The following FLG variants were observed in gnomAD, a reference collection of about 807,000 sequenced individuals.
The protein encoded by FLG is epidermal filaggrin.
FLG carries 6 observed loss-of-function variants against 3.8 expected under a neutral mutation model. The observed-to-expected ratio is 1.60, with a 90% CI of 0.87 to 3.15. FLG has a LOEUF of 3.15. Ranked by LOEUF, FLG falls within the 30% of genes most tolerant of loss-of-function variation. The pLI, the probability that FLG is intolerant of heterozygous loss-of-function variation, is 0.00. For missense variants in FLG, 7,595 were observed against 5,050.9 expected (o/e 1.50, Z -15.27); for synonymous variants, 2,551 against 1,931.6 (o/e 1.32, Z -8.41).
chr1:152,311,644 G>A lies in FLG; in HGVS notation c.3242C>T (p.Ser1081Leu), dbSNP rs780321306. The A allele has an allele frequency of 1.2e-6, 2 of 1,614,010 alleles. No individual in the cohort carries two copies. Among genetic ancestry groups the A allele is most frequent in the Middle Eastern group, 1.6e-4 (1 of 6,084 alleles). ...ATGGCCTGACACTGACTGTGTGTCTGACTCCTCTGAATGTCCCTCACTATC... is the reference window on the plus strand; with the variant it reads ...ATGGCCTGACACTGACTGTGTGTCTAACTCCTCTGAATGTCCCTCACTATC... Reference protein sequence around the residue: ...ASDSEGHSEESDTQSVSGHGQ... With the variant: ...ASDSEGHSEELDTQSVSGHGQ... Residue 1081 changes from serine (S) to leucine (L), a missense_variant, in exon 3 of 3, where the codon TCA becomes TTA. Transcript: ENST00000368799.
chr1:152,314,734 G>A lies in FLG; in HGVS notation c.152C>T (p.Pro51Leu). The change falls in exon 3 of 3, where the codon CCA (proline) becomes CTA (leucine). Residue 51 changes from proline (P) to leucine (L), a missense_variant. Pro to Leu is a moderately conservative substitution (Grantham distance 98, BLOSUM62 -3). Transcript: ENST00000368799. The stretch of plus-strand genomic sequence containing the variant: ...ATCCATGAAGACATCAACCATATCT[G>A]GGTCATCTGGATTCTGTACAGAGGG... ...FRQILKNPDD[P>L]DMVDVFMDHL... 1 of 1,613,704 alleles carries A rather than the reference G, an allele frequency of 6.2e-7. No homozygotes were observed.
rs1461104258 is a variant in FLG, at chr1:152,308,219, A to T, written c.6667T>A (p.Ser2223Thr). The T allele has an allele frequency of 1.9e-6, 3 of 1,613,930 alleles. No homozygotes were observed. In the East Asian group the frequency reaches 6.7e-5, roughly 36 times the overall value. The change falls in exon 3 of 3, where the codon TCA (serine) becomes ACA (threonine). Residue 2223 changes from serine to threonine, a missense_variant. Ser to Thr is a moderately conservative substitution (Grantham distance 58, BLOSUM62 1). Transcript: ENST00000368799. ...GATGATTGTCCCTGGCCCACCAGTGAGTGTCTAGAGCTGTCGGCCCAAGAG... is the reference window on the plus strand; with the variant it reads ...GATGATTGTCCCTGGCCCACCAGTGTGTGTCTAGAGCTGTCGGCCCAAGAG... ...ASSWADSSRH[S>T]LVGQGQSSGP...
rs773883437 is a variant in FLG at position 152,306,342 on chromosome 1, T to C, written c.8544A>G (p.Gly2848=). 3 of 1,601,922 alleles carry C rather than the reference T, an allele frequency of 1.9e-6. No homozygotes were observed. Among genetic ancestry groups the C allele is most frequent in the Non-Finnish European group, 2.5e-6 (3 of 1,179,806 alleles). ...GCGACCCTGAGTGCCTGGAGCCGTC[T>C]CCTGATTGTTCCTCATTACGTGTTG... ...SRTTRNEEQS[G]DGSRHSGSRH... Residue 2848 remains glycine, a synonymous_variant, in exon 3 of 3, where the codon GGA becomes GGG. Transcript: ENST00000368799.
chr1:152,304,511 G>A lies in FLG; in HGVS notation c.10375C>T (p.His3459Tyr). 2 of 1,612,838 alleles carry A rather than the reference G, an allele frequency of 1.2e-6. No homozygotes were observed. Among genetic ancestry groups the A allele is most frequent in the South Asian group, 1.1e-5 (1 of 90,880 alleles). ...GTGTGGCTGTGATGGGACCCTGAGT[G>A]TCCAGACCTATCTACCGATTGCTCG... The part of the protein sequence containing the change: ...HYEQSVDRSG[H>Y]SGSHHSHTTS... The change falls in exon 3 of 3, where the codon CAC becomes TAC. Residue 3459 changes from histidine to tyrosine, a missense_variant. Physicochemically the swap from His to Tyr is moderately conservative, Grantham distance 83. Coordinates refer to ENST00000368799, the MANE Select transcript of FLG (RefSeq NM_002016.2).
Position 152,304,526 on chromosome 1 carries a change from C to A in FLG, c.10360G>T (p.Val3454Leu), listed in dbSNP as rs1311386701. 2 of 1,612,452 alleles carry A rather than the reference C, an allele frequency of 1.2e-6. No individual in the cohort carries two copies. Among genetic ancestry groups the A allele is most frequent in the Non-Finnish European group, 1.7e-6 (2 of 1,179,404 alleles). The part of the protein sequence containing the change: ...GRQGSHYEQS[V>L]DRSGHSGSHH... ...GACCCTGAGTGTCCAGACCTATCTA[C>A]CGATTGCTCGTAGTGGGATCCCTGC... Residue 3454 changes from valine to leucine, a missense_variant, in exon 3 of 3, where the codon GTA (valine) becomes TTA (leucine). Physicochemically the swap from Val to Leu is conservative, Grantham distance 32. Transcript: ENST00000368799.
chr1:152,302,898 G>A lies in FLG; in HGVS notation c.11988C>T (p.His3996=), dbSNP rs747455945. The change falls in exon 3 of 3, where the codon CAC becomes CAT. Residue 3996 remains histidine (H), a synonymous_variant. Transcript: ENST00000368799. The part of the protein sequence containing the change: ...YGESGFRHSQ[H]GSVSYNSNPV... ...GATTGGAATTGTAACTAACACTTCC[G>A]TGCTGAGAGTGTCTAAACCCGGATT... 1.4e-5 allele frequency: 23 copies of A among 1,613,974 alleles called. No individual in the cohort carries two copies. In the Admixed American group the frequency reaches 3.0e-4, roughly 21 times the overall value.
chr1:152,309,179 C>T lies in FLG; in HGVS notation c.5707G>A (p.Gly1903Arg). The T allele has an allele frequency of 1.9e-6, 3 of 1,613,716 alleles. No individual in the cohort carries two copies. Among genetic ancestry groups the T allele is most frequent in the Non-Finnish European group, 2.5e-6 (3 of 1,179,910 alleles). ...DSSRHSQVGQ[G>R]QSSGPRTSRN... ...CTTGTCCTGGGCCCTGATGATTGTC[C>T]CTGGCCCACCTGCGAGTGTCTAGAG... Residue 1903 changes from glycine to arginine, a missense_variant, in exon 3 of 3, where the codon GGA becomes AGA. By Grantham distance (125) the Gly-to-Arg change is moderately radical. Transcript: ENST00000368799.
In FLG at chr1:152,313,478, A is replaced by T. The variant is rs891036649; in HGVS notation, c.1408T>A (p.Tyr470Asn). The change falls in exon 3 of 3, where the codon TAC becomes AAC. Residue 470 changes from tyrosine to asparagine, a missense_variant. Transcript: ENST00000368799. The stretch of plus-strand genomic sequence containing the variant: ...GGCTGTTCATGAGTGCTCACCTGGT[A>T]GAGGGAAGACCCTGAACGTCCAGAC... The part of the protein sequence containing the change: ...ERSGRSGSSL[Y>N]QVSTHEQPDS... 5.0e-6 allele frequency: 8 copies of T among 1,613,554 alleles called. No homozygotes were observed. In the Admixed American group the frequency reaches 5.0e-5, roughly 10 times the overall value.
rs141947562 is a variant in FLG, at chr1:152,302,897, C to G, written c.11989G>C (p.Gly3997Arg). The G allele has an allele frequency of 5.8e-5, 94 of 1,614,046 alleles. No individual in the cohort carries two copies. In the African/African-American group the frequency reaches 1.1e-3, roughly 20 times the overall value. ...GGATTGGAATTGTAACTAACACTTC[C>G]GTGCTGAGAGTGTCTAAACCCGGAT... ...GESGFRHSQHGSVSYNSNPVV... is the reference protein window; with the variant it reads ...GESGFRHSQHRSVSYNSNPVV... Residue 3997 changes from glycine to arginine, a missense_variant, in exon 3 of 3, where the codon GGA becomes CGA. Physicochemically the swap from Gly to Arg is moderately radical, Grantham distance 125. Transcript: ENST00000368799.
In FLG at chr1:152,307,449, C is replaced by G. The variant is rs774461279; in HGVS notation, c.7437G>C (p.Glu2479Asp). The G allele has an allele frequency of 4.3e-6, 7 of 1,613,162 alleles. No individual in the cohort carries two copies. The highest frequency in any genetic ancestry group is 5.9e-6 in the Non-Finnish European group (7 of 1,179,736). ...SSGGRQGSHY[E>D]QLVDRSGHSG... ...AGTGTCCAGATCTATCTACCAATTG[C>G]TCGTAGTGGGATCCCTGCCTTCCTC... The change falls in exon 3 of 3, where the codon GAG (glutamate) becomes GAC (aspartate). Residue 2479 changes from glutamate to aspartate, a missense_variant. Coordinates refer to ENST00000368799, the MANE Select transcript of FLG (RefSeq NM_002016.2).
rs759189084 is a variant in FLG at position 152,314,628 on chromosome 1, A to G, written c.258T>C (p.Tyr86=). 6.2e-7 allele frequency: 1 copy of G among 1,614,068 alleles called. No individual in the cohort carries two copies. Among genetic ancestry groups the G allele is most frequent in the South Asian group, 1.1e-5 (1 of 91,086 alleles). The change falls in exon 3 of 3, where the codon TAT becomes TAC. Residue 86 remains tyrosine, a synonymous_variant. Transcript: ENST00000368799. ...LMVFKLAQAY[Y]ESTRKENLPI... is the part of the protein sequence containing the mutation. ...GTAAATTCTCTTTTCTGGTAGACTC[A>G]TAATATGCTTGAGCCAACTTGAATA...
Position 152,314,557 on chromosome 1 carries a change from T to A in FLG, c.329A>T (p.His110Leu). The A allele has an allele frequency of 3.1e-6, 5 of 1,613,958 alleles. No homozygotes were observed. The highest frequency in any genetic ancestry group is 4.2e-6 in the Non-Finnish European group (5 of 1,179,970). ...GTTTTCTTCCTGTTTATTATCTTCA[T>A]GTTTATCATGATGACTGTGCTTTCT... ...KHRKHSHHDK[H>L]EDNKQEENKE... Residue 110 changes from histidine (H) to leucine (L), a missense_variant, in exon 3 of 3, where the codon CAT becomes CTT. Transcript: ENST00000368799.
Position 152,307,023 on chromosome 1 carries a change from G to C in FLG, c.7863C>G (p.Asp2621Glu). The change falls in exon 3 of 3, where the codon GAC (aspartate) becomes GAG (glutamate). Residue 2621 changes from aspartate (D) to glutamate (E), a missense_variant. Asp to Glu is a conservative substitution (Grantham distance 45). Transcript: ENST00000368799. Reference sequence around the variant, plus strand: ...GACGAGTGCCTGATTGTCTGGAGCTGTCTGCAGAGTGCCCATGACCAGCTC... The same window carrying C: ...GACGAGTGCCTGATTGTCTGGAGCTCTCTGCAGAGTGCCCATGACCAGCTC... ...EDRAGHGHSA[D>E]SSRQSGTRHT... The C allele has an allele frequency of 6.2e-7, 1 of 1,600,602 alleles. No individual in the cohort carries two copies. The highest frequency in any genetic ancestry group is 8.5e-7 in the Non-Finnish European group (1 of 1,176,690).
At chr1:152,318,656 C>T (rs12089451) in intron 1 of FLG, among the ~76,000 whole-genome samples, 248 of 151,922 alleles carry the variant, frequency 1.6e-3, no homozygotes, top group African/African-American at 5.8e-3. Flanking sequence ...AAAATTGATA[C>T]CTCTAGGCAT....
At position 152,308,872 on chromosome 1, in the gene FLG, T is replaced by A. The variant is rs1218420162; in HGVS notation, c.6014A>T (p.His2005Leu). The A allele has an allele frequency of 6.2e-7, 1 of 1,614,178 alleles. No homozygotes were observed. The highest frequency in any genetic ancestry group is 1.1e-5 in the South Asian group (1 of 91,082). ...EQARSSAGER[H>L]GSHHQLQSAD... ...TGACTGGAGCTGGTGGTGGGATCCATGTCTTTCTCCTGCACTTGATCTTGC... is the reference window on the plus strand; with the variant it reads ...TGACTGGAGCTGGTGGTGGGATCCAAGTCTTTCTCCTGCACTTGATCTTGC... Residue 2005 changes from histidine to leucine, a missense_variant, in exon 3 of 3, where the codon CAT becomes CTT. Physicochemically the swap from His to Leu is moderately conservative, Grantham distance 99 (BLOSUM62 -3). Coordinates refer to ENST00000368799, the MANE Select transcript of FLG (RefSeq NM_002016.2).
intron 1 of FLG, among the ~76,000 whole-genome samples, chr1:152,318,570 A>T (rs3120658): frequency 0.071 from 10,619 of 149,594 alleles, 1,262 homozygotes; most frequent in African/African-American, 0.25. Context: ...CCTTCTTTTT[A>T]AAAAAAATCT....
At position 152,304,900 on chromosome 1, in the gene FLG, T is replaced by C. The variant is rs1479338000; in HGVS notation, c.9986A>G (p.Asp3329Gly). 2 of 1,613,716 alleles carry C rather than the reference T, an allele frequency of 1.2e-6. No homozygotes were observed. Among genetic ancestry groups the C allele is most frequent in the South Asian group, 2.2e-5 (2 of 91,006 alleles). Residue 3329 changes from aspartate to glycine, a missense_variant, in exon 3 of 3, where the codon GAC (aspartate) becomes GGC (glycine). Physicochemically the swap from Asp to Gly is moderately conservative, Grantham distance 94. Coordinates refer to ENST00000368799, the MANE Select transcript of FLG (RefSeq NM_002016.2). ...ACCACTGGACCCCCAGTGTCTACTG[T>C]CTCTGACTGCAGATGAAGCTTGTCC... ...PRGQASSAVR[D>G]SRHWGSSGSQ...
In FLG at chr1:152,305,383, T is replaced by A. The variant is rs751728307; in HGVS notation, c.9503A>T (p.Glu3168Val). Residue 3168 changes from glutamate to valine, a missense_variant, in exon 3 of 3, where the codon GAG becomes GTG. Physicochemically the swap from Glu to Val is moderately radical, Grantham distance 121. Transcript: ENST00000368799. ...CCTGGAGCTGTCTCCTGATTGTTCC[T>A]CATTACGTGTTGTTCTGCTTGCACT... ...SRSASRTTRN[E>V]EQSGDSSRHS... 3 of 1,607,524 alleles carry A rather than the reference T, an allele frequency of 1.9e-6. No individual in the cohort carries two copies. The African/African-American group carries it at 4.1e-5, about 22-fold the overall frequency.
In FLG at chr1:152,309,977, G is replaced by A. The variant is rs753707307; in HGVS notation, c.4909C>T (p.Gln1637Ter). Residue 1637 changes from glutamine to a stop codon, truncating the protein, a stop_gained, in exon 3 of 3, where the codon CAA (glutamine) becomes TAA (stop). Transcript: ENST00000368799. LOFTEE classifies it low-confidence loss of function (END_TRUNC). ...RHGSRNPRSHQEDRASHGHSA... is the reference protein window; with the variant it reads ...RHGSRNPRSH ...TGCCCATGACTGGCTCTATCTTCTT[G>A]ATGGGACCTGGGGTTCCTGGAGCCA... is the stretch of plus-strand genomic sequence containing the variant. 8.7e-6 allele frequency: 14 copies of A among 1,613,900 alleles called. No individual in the cohort carries two copies. Among genetic ancestry groups the A allele is most frequent in the South Asian group, 1.1e-5 (1 of 91,074 alleles).
Sources: allele counts gnomAD v4.1 joint callset (sites outside exome capture counted in the v4.1 genomes callset), GRCh38; gene constraint gnomAD v4.1.1; transcripts MANE v1.5; gene names NCBI Gene and HGNC (gene_info 2026-07-23, HGNC 2026-07-21).